Variants in ITGA9 observed in about 807,000 individuals in gnomAD.
The protein encoded by ITGA9 is integrin subunit alpha 9.
In ITGA9, 56 loss-of-function variants were observed where a neutral mutation model predicts 127.8. The observed-to-expected ratio is 0.44, with a 90% CI of 0.35 to 0.55. The LOEUF (loss-of-function observed/expected upper bound fraction) is 0.55. ITGA9 is among the 20% of genes least tolerant of loss of function. The probability of loss-of-function intolerance (pLI) is 0.00; values close to 1 mark genes in which losing one functional copy is unlikely to be tolerated. For missense variants in ITGA9, 1,196 were observed against 1,347.1 expected (o/e 0.89, Z 1.76); for synonymous variants, 508 against 514.5 (o/e 0.99, Z 0.17).
intron 15 of ITGA9, among the ~76,000 whole-genome samples, chr3:37,607,091 T>A (rs1182469194): frequency 6.7e-6 from 1 of 150,276 alleles, no homozygotes; most frequent in Non-Finnish European, 1.5e-5. Flanking sequence ...CAAGGGATCC[T>A]CCTGCCTCAG....
chr3:37,500,183 T>C (rs915388734), intron 5 of ITGA9, among the ~76,000 whole-genome samples: 4 of 152,222 alleles, frequency 2.6e-5, no homozygotes, highest in African/African-American at 9.6e-5. Flanking sequence ...TTTGTACTCT[T>C]TCTAGAACTA....
intron 15 of ITGA9, among the ~76,000 whole-genome samples, chr3:37,576,782 T>A (rs1411501347): frequency 6.6e-6 from 1 of 152,228 alleles, no homozygotes; most frequent in African/African-American, 2.4e-5. Context: ...TTTTTTGCAT[T>A]TTTTGCAGAG....
chr3:37,745,113 C>T (rs1696485336), intron 22 of ITGA9, among the ~76,000 whole-genome samples: 1 of 152,210 alleles, frequency 6.6e-6, no homozygotes, highest in South Asian at 2.1e-4. Flanking sequence ...ATTTTCTTTC[C>T]TTGTGGCCTC....
At chr3:37,608,338 C>T (rs901139382) in intron 15 of ITGA9, among the ~76,000 whole-genome samples, 2 of 152,130 alleles carry the variant, frequency 1.3e-5, no homozygotes, top group African/African-American at 4.8e-5. Flanking sequence ...ATTTCAGGAA[C>T]ATAAAATTCA....
intron 2 of ITGA9, among the ~76,000 whole-genome samples, chr3:37,473,136 CAAAAAAAAAAAAA>C (rs36109791): frequency 1.4e-5 from 1 of 70,778 alleles, no homozygotes; most frequent in East Asian, 5.2e-4. Flanking sequence ...GAGACTGTCT[CAAAAAAAAAAAAA>C]AAAAAAAAAA....
chr3:37,632,321 G>A (rs1460821629), intron 16 of ITGA9, among the ~76,000 whole-genome samples: 1 of 152,134 alleles, frequency 6.6e-6, no homozygotes, highest in African/African-American at 2.4e-5. Flanking sequence ...GAAAGGCAAG[G>A]GAAGTGTTCT....
At chr3:37,592,236 A>G (rs911767539) in intron 15 of ITGA9, among the ~76,000 whole-genome samples, 1 of 152,210 alleles carries the variant, frequency 6.6e-6, no homozygotes, top group Non-Finnish European at 1.5e-5. Context: ...AACTGCTGCA[A>G]CAAACCCTCA....
At chr3:37,707,770 T>C (rs1701023299) in intron 18 of ITGA9, among the ~76,000 whole-genome samples, 1 of 152,228 alleles carries the variant, frequency 6.6e-6, no homozygotes, top group African/African-American at 2.4e-5. Flanking sequence ...CACCTATGGA[T>C]GTCAGTTCTA....
At chr3:37,616,892 C>T (rs1559550311) in intron 15 of ITGA9, among the ~76,000 whole-genome samples, 1 of 152,218 alleles carries the variant, frequency 6.6e-6, no homozygotes, top group Non-Finnish European at 1.5e-5. Context: ...GAATACAGCA[C>T]ACTGATGGGT....
At chr3:37,795,727 A>G (rs7631600) in intron 26 of ITGA9, among the ~76,000 whole-genome samples, 18,638 of 152,106 alleles carry the variant, frequency 0.12, 1,902 homozygotes, top group African/African-American at 0.28. Context: ...CGACCCTCAC[A>G]GCCACTCCCC....
At chr3:37,493,943 C>T (rs1197685524) in intron 4 of ITGA9, among the ~76,000 whole-genome samples, 1 of 152,164 alleles carries the variant, frequency 6.6e-6, no homozygotes, top group Non-Finnish European at 1.5e-5. Flanking sequence ...GTTTTCTTTC[C>T]ACCTGGAGAG....
At chr3:37,472,548 AC>A (rs1698444160) in intron 2 of ITGA9, among the ~76,000 whole-genome samples, 1 of 151,714 alleles carries the variant, frequency 6.6e-6, no homozygotes, top group Admixed American at 6.6e-5. Context: ...ACAGTGTATG[AC>A]CATCTTCGGC....
In ITGA9 at chr3:37,613,737, T is replaced by C. The variant is rs571876284; in HGVS notation, c.1690-15450T>C. On this transcript the variant is annotated intron_variant, in intron 15 of 27. Coordinates refer to ENST00000264741, the MANE Select transcript of ITGA9 (RefSeq NM_002207.3). ...CACTGATGATGAGCATTGTTTCATG[T>C]GTCTTTTGGCTGCATAAATGTCTTC... is the stretch of plus-strand genomic sequence containing the variant. Among the ~76,000 whole-genome samples, 9 of 152,368 alleles carry C rather than the reference T, an allele frequency of 5.9e-5. No individual in the cohort carries two copies. In the South Asian group the frequency reaches 1.7e-3, roughly 28 times the overall value.
chr3:37,612,959 CT>C (rs35973222), intron 15 of ITGA9, among the ~76,000 whole-genome samples: 25,786 of 140,604 alleles, frequency 0.18, 2,279 homozygotes, highest in East Asian at 0.3. Flanking sequence ...TTGTGCTGTT[CT>C]TTTTTTTTTT....
chr3:37,487,946 G>A (rs547321433), intron 4 of ITGA9, among the ~76,000 whole-genome samples: 2 of 152,286 alleles, frequency 1.3e-5, no homozygotes, highest in Middle Eastern at 3.4e-3. Context: ...ACAAGTCCCA[G>A]TAGGTACAGA....
chr3:37,573,497 C>T (rs193092638), intron 15 of ITGA9, among the ~76,000 whole-genome samples: 60 of 152,272 alleles, frequency 3.9e-4, no homozygotes, highest in African/African-American at 1.4e-3. Context: ...GAGCTAGAGT[C>T]CCCTGGGGTG....
intron 15 of ITGA9, among the ~76,000 whole-genome samples, chr3:37,607,092 C>T (rs990196286): frequency 1.3e-5 from 2 of 151,560 alleles, no homozygotes; most frequent in Non-Finnish European, 2.9e-5. Flanking sequence ...AAGGGATCCT[C>T]CTGCCTCAGT....
At position 37,629,345 on chromosome 3, in the gene ITGA9, CT is replaced by C; in HGVS notation, c.1839+11del. 2 of 1,613,888 alleles carry C rather than the reference CT, an allele frequency of 1.2e-6. No homozygotes were observed. The highest frequency in any genetic ancestry group is 1.7e-6 in the Non-Finnish European group (2 of 1,179,944). On this transcript the variant is annotated intron_variant, in intron 16 of 27. Coordinates refer to ENST00000264741, the MANE Select transcript of ITGA9 (RefSeq NM_002207.3). The surrounding 1 kb of genome is among the most constrained non-coding windows in gnomAD (Gnocchi z 4.5). ...TTGCCCAAAAGAATCAGGTCAGAAC[CT>C]TAAAGCTCATACTCAGCACCCAAGG...
rs918788252 is a variant in ITGA9, at chr3:37,823,169, C to T, written c.*4180C>T. ...CCCAACATCGTGCAATGCTTTATAG[C>T]ACAATGATCTAGATTTCAGACTGTG... On this transcript the variant is annotated 3_prime_UTR_variant, in exon 28 of 28. Transcript: ENST00000264741. 4 of 152,212 alleles carry T rather than the reference C, an allele frequency of 2.6e-5. No homozygotes were observed. Among genetic ancestry groups the T allele is most frequent in the Non-Finnish European group, 5.9e-5 (4 of 68,044 alleles). The allele number at this position is 152,212 out of a possible 1,614,324, so 9.4% of individuals were successfully genotyped here. A position where few individuals can be genotyped will look rare whatever the true frequency, so the allele number is the denominator to read the frequency against.
Sources: allele counts gnomAD v4.1 joint callset (sites outside exome capture counted in the v4.1 genomes callset), GRCh38; gene constraint gnomAD v4.1.1; non-coding constraint Gnocchi (gnomAD v3.1); transcripts MANE v1.5; gene names NCBI Gene and HGNC (gene_info 2026-07-23, HGNC 2026-07-21).